The following PSG7 variants were observed in gnomAD, a reference collection of about 807,000 sequenced individuals.
The protein encoded by PSG7 is pregnancy specific beta-1-glycoprotein 7.
PSG7 carries 57 observed loss-of-function variants against 45.6 expected under a neutral mutation model. The observed-to-expected ratio is 1.25, with a 90% CI of 1.01 to 1.56. The LOEUF (loss-of-function observed/expected upper bound fraction) is 1.56, where lower values mean the gene tolerates loss of function less well. PSG7 is among the 40% of genes most tolerant of loss of function. The probability of loss-of-function intolerance (pLI) is 0.00; values close to 1 mark genes in which losing one functional copy is unlikely to be tolerated. For missense variants in PSG7, 796 were observed against 508.4 expected (o/e 1.57, Z -5.44); for synonymous variants, 298 against 194.4 (o/e 1.53, Z -4.43).
At chr19:42,929,272 A>G in intron 3 of PSG7, 170 bp downstream of exon 3, 2 of 1,444,004 alleles carry the variant, frequency 1.4e-6, no homozygotes, top group Non-Finnish European at 1.9e-6. Flanking sequence ...CTTATTGTGG[A>G]TCAAGCCTAG....
At chr19:42,933,160 C>A (rs7248702) in intron 2 of PSG7, among the ~76,000 whole-genome samples, 3 of 146,444 alleles carry the variant, frequency 2.0e-5, no homozygotes, top group Admixed American at 1.4e-4. Context: ...AAATCTCTAA[C>A]CCCTGATCCA....
Position 42,932,022 on chromosome 19 carries a change from A to T in PSG7, c.431-2302T>A, listed in dbSNP as rs562749399. 6.6e-5 allele frequency among the ~76,000 whole-genome samples: 10 copies of T among 151,174 alleles called. No individual in the cohort carries two copies. The South Asian group carries it at 1.3e-3, about 19-fold the overall frequency. Reference sequence around the variant, plus strand: ...GCATCAAAAGCATTCTTCATTTCTCAAACAGCATTTTTTTTTTCTGAGACA... The same window carrying T: ...GCATCAAAAGCATTCTTCATTTCTCTAACAGCATTTTTTTTTTCTGAGACA... On this transcript the variant is annotated intron_variant, in intron 2 of 5. Coordinates refer to ENST00000406070, the MANE Select transcript of PSG7 (RefSeq NM_002783.3).
intron 1 of PSG7, among the ~76,000 whole-genome samples, chr19:42,936,748 T>C (rs10410940): frequency 0.38 from 57,076 of 150,846 alleles, 12,453 homozygotes; most frequent in African/African-American, 0.54. Context: ...CCCGGGTTCA[T>C]GTGATTCTCC....
chr19:42,930,212 C>T (rs531004017), intron 2 of PSG7, among the ~76,000 whole-genome samples: 4 of 151,736 alleles, frequency 2.6e-5, no homozygotes, highest in South Asian at 2.1e-4. Context: ...GAAAGCCTGG[C>T]CTGGGACTGG....
intron 3 of PSG7, chr19:42,929,174 CA>C (rs1972961688): frequency 1.3e-6 from 1 of 761,084 alleles, no homozygotes; most frequent in Non-Finnish European, 2.0e-6. Flanking sequence ...CCGCTGTGTT[CA>C]TGATCTGGAG....
chr19:42,933,680 G>A (rs1450119829), intron 2 of PSG7, among the ~76,000 whole-genome samples: 1 of 150,876 alleles, frequency 6.6e-6, no homozygotes, highest in African/African-American at 2.4e-5. Context: ...GGGCTTGCCA[G>A]TCAGAATGAA....
chr19:42,935,285 C>T (rs1973121416), intron 2 of PSG7, 119 bp downstream of exon 2: 2 of 1,493,684 alleles, frequency 1.3e-6, no homozygotes, highest in Admixed American at 3.5e-5. Flanking sequence ...GCCCAAACCC[C>T]AGCATGGGAC....
rs1972490626 is a variant in PSG7 at position 42,924,814 on chromosome 19, T to A, written c.1254A>T (p.Leu418Phe). ...SVTVRVSDWTLP is the reference protein window; with the variant it reads ...SVTVRVSDWTFP ...TTGGAGGAACTAGTAGAATTCAGGGTAATGTCCAGTCTACAGTGGATAATA... is the reference window on the plus strand; with the variant it reads ...TTGGAGGAACTAGTAGAATTCAGGGAAATGTCCAGTCTACAGTGGATAATA... Residue 418 changes from leucine to phenylalanine, a missense_variant, in exon 6 of 6, where the codon TTA (leucine) becomes TTT (phenylalanine). Coordinates refer to ENST00000406070, the MANE Select transcript of PSG7 (RefSeq NM_002783.3). 7 of 759,742 alleles carry A rather than the reference T, an allele frequency of 9.2e-6. No individual in the cohort carries two copies. The highest frequency in any genetic ancestry group is 7.2e-5 in the African/African-American group (4 of 55,686). The allele number at this position is 759,742 out of a possible 1,614,324, so 47.1% of individuals were successfully genotyped here.
intron 3 of PSG7, among the ~76,000 whole-genome samples, chr19:42,928,345 T>G (rs1195355247): frequency 6.6e-6 from 1 of 151,460 alleles, no homozygotes; most frequent in Non-Finnish European, 1.5e-5. Flanking sequence ...CTGGTAGGGG[T>G]TGCATTGAAT....
At position 42,929,457 on chromosome 19, in the gene PSG7, T is replaced by C; in HGVS notation, c.694A>G (p.Thr232Ala). The C allele has an allele frequency of 1.2e-6, 2 of 1,612,362 alleles. No individual in the cohort carries two copies. Among genetic ancestry groups the C allele is most frequent in the Non-Finnish European group, 1.7e-6 (2 of 1,179,110 alleles). ...AGATACTCACGGAGGAGATTCAGGG[T>C]GACTGGGTCACTGCGGCTGGCACTC... Reference protein sequence around the residue: ...PVSASRSDPVTLNLLPKLPKP... With the variant: ...PVSASRSDPVALNLLPKLPKP... The change falls in exon 3 of 6, where the codon ACC becomes GCC. Residue 232 changes from threonine (T) to alanine (A), a missense_variant. Coordinates refer to ENST00000406070, the MANE Select transcript of PSG7 (RefSeq NM_002783.3).
chr19:42,936,719 C>T (rs1335459593), intron 1 of PSG7, among the ~76,000 whole-genome samples: 1 of 151,254 alleles, frequency 6.6e-6, no homozygotes, highest in East Asian at 1.9e-4. Context: ...GCTATCTCGG[C>T]TAGCTGCAAC....
At chr19:42,927,030 G>T in intron 3 of PSG7, 2 of 437,878 alleles carry the variant, frequency 4.6e-6, no homozygotes, top group South Asian at 4.1e-5. Flanking sequence ...TGAGTTGACT[G>T]GCTGGCTCAC....
intron 3 of PSG7, 143 bp from the exon 4 acceptor site, chr19:42,926,859 A>C: frequency 7.0e-7 from 1 of 1,422,684 alleles, no homozygotes; most frequent in South Asian, 1.4e-5. Flanking sequence ...GTCACAAGGT[A>C]GATGCATGAT....
rs190274824 is a variant in PSG7, at chr19:42,937,113, G to A, written c.-37C>T. The A allele has an allele frequency of 6.4e-5, 102 of 1,602,252 alleles. 3 individuals carry two copies. The highest frequency in any genetic ancestry group is 5.0e-4 in the Middle Eastern group (3 of 6,006). On this transcript the variant is annotated 5_prime_UTR_variant, in exon 1 of 6. Coordinates refer to ENST00000406070, the MANE Select transcript of PSG7 (RefSeq NM_002783.3). ...CCTGCGTGTTCTCCTCTGTGGAGAT[G>A]AGCCTAGGATCCAGAATCTTCCTGA... is the stretch of plus-strand genomic sequence containing the variant.
In PSG7 at chr19:42,937,159, G is replaced by T. The variant is rs1031233412; in HGVS notation, c.-83C>A. 1.3e-6 allele frequency: 2 copies of T among 1,541,618 alleles called. No individual in the cohort carries two copies. The highest frequency in any genetic ancestry group is 1.8e-6 in the Non-Finnish European group (2 of 1,126,846). ...CCTGAGCACGGCTGTCAGCTGTGCT[G>T]TCCTTCCTCCTTCTGCACTGAGCCT... On this transcript the variant is annotated 5_prime_UTR_variant, in exon 1 of 6. Coordinates refer to ENST00000406070, the MANE Select transcript of PSG7 (RefSeq NM_002783.3).
chr19:42,930,329 T>C (rs1421038583), intron 2 of PSG7, among the ~76,000 whole-genome samples: 1 of 151,436 alleles, frequency 6.6e-6, no homozygotes, highest in Admixed American at 6.6e-5. Context: ...AGGTGTCTCA[T>C]AGTGACTGAC....
chr19:42,932,490 A>T (rs1973042159), intron 2 of PSG7, among the ~76,000 whole-genome samples: 1 of 151,454 alleles, frequency 6.6e-6, no homozygotes, highest in Non-Finnish European at 1.5e-5. Context: ...TGGAGTCACG[A>T]GTGAAATGGG....
intron 3 of PSG7, 108 bp downstream of exon 3, chr19:42,929,334 G>C: frequency 6.3e-7 from 1 of 1,596,586 alleles, no homozygotes; most frequent in Non-Finnish European, 8.5e-7. Flanking sequence ...TTGATGTCCA[G>C]GGGTAAAGGT....
rs1393066409 is a variant in PSG7, at chr19:42,926,537, G to C, written c.889C>G (p.Leu297Val). ...KRRIENRILI[L>V]PSVTRNETGP... ...GTTTCATTTCTCGTGACACTGGGTA[G>C]AATGAGGATCCTGTTTTCAATGCGT... The change falls in exon 4 of 6, where the codon CTA becomes GTA. Residue 297 changes from leucine (L) to valine (V), a missense_variant. By Grantham distance (32) the Leu-to-Val change is conservative (BLOSUM62 1). Transcript: ENST00000406070. 5 of 1,610,618 alleles carry C rather than the reference G, an allele frequency of 3.1e-6. No homozygotes were observed. The African/African-American group carries it at 6.7e-5, about 22-fold the overall frequency.
Sources: gnomAD v4.1 joint callset for allele counts (sites outside exome capture counted in the v4.1 genomes callset) on GRCh38, gnomAD v4.1.1 for gene constraint, MANE v1.5 for transcripts, NCBI Gene and HGNC (gene_info 2026-07-23, HGNC 2026-07-21) for gene names.